Variants in CRHR2 observed in about 807,000 individuals in gnomAD.
CRHR2 encodes the protein corticotropin releasing hormone receptor 2.
In CRHR2, 53 loss-of-function variants were observed where a neutral mutation model predicts 57.9. That is an observed-to-expected ratio of 0.92 (90% CI 0.73 to 1.15). The LOEUF is 1.15. CRHR2 is among the 50% of genes most tolerant of loss of function. CRHR2 has a pLI of 0.00. For synonymous variants in CRHR2, 213 were observed against 220.9 expected, an observed-to-expected ratio of 0.96 and a Z score of 0.32; for missense variants, 532 against 542.6, an observed-to-expected ratio of 0.98 and a Z score of 0.19.
chr7:30,690,574 C>T (rs541225330), intron 1 of CRHR2, among the ~76,000 whole-genome samples: 2 of 152,290 alleles, frequency 1.3e-5, no homozygotes, highest in South Asian at 4.1e-4. Context: ...TTCCTGGCAG[C>T]TGGGTCAATG....
At chr7:30,697,162 A>G (rs552105544) in intron 1 of CRHR2, among the ~76,000 whole-genome samples, 1 of 152,296 alleles carries the variant, frequency 6.6e-6, no homozygotes, top group African/African-American at 2.4e-5. Context: ...CGGACAGGTC[A>G]GGGAGGGTCC....
upstream of CRHR2, among the ~76,000 whole-genome samples, chr7:30,686,015 CCATCTTTGGT>C (rs1186453988): frequency 6.6e-6 from 1 of 152,146 alleles, no homozygotes; most frequent in African/African-American, 2.4e-5. Context: ...TTCCTGGGAA[CCATCTTTGGT>C]ATTGCAAAGA....
intron 1 of CRHR2, among the ~76,000 whole-genome samples, chr7:30,693,176 G>A (rs1433524321): frequency 1.3e-5 from 2 of 152,150 alleles, no homozygotes; most frequent in Non-Finnish European, 1.5e-5. Flanking sequence ...CCCAGTTCCT[G>A]ACACAGAATC....
At chr7:30,698,614 G>A (rs996498309) in intron 1 of CRHR2, among the ~76,000 whole-genome samples, 1 of 152,120 alleles carries the variant, frequency 6.6e-6, no homozygotes, top group African/African-American at 2.4e-5. Context: ...GCAGGTCTGG[G>A]GGCCATCTGC....
At chr7:30,668,931 T>G (rs1395697224) in intron 2 of CRHR2, among the ~76,000 whole-genome samples, 1 of 152,190 alleles carries the variant, frequency 6.6e-6, no homozygotes, top group Admixed American at 6.5e-5. Context: ...GGATCTAATT[T>G]GATACCTAGC....
rs772634618 is a variant in CRHR2 at position 30,653,531 on chromosome 7, G to A, written c.1165C>T (p.Arg389Trp). ...DHHSLRVPMA[R>W]AMSIPTSPTR... ...GGTGATGTAGGGATGGACATGGCCC[G>A]GGCCATGGGGACTCGAAGGGAGTGA... Residue 389 changes from arginine (R) to tryptophan (W), a missense_variant, in exon 12 of 12, where the codon CGG (arginine) becomes TGG (tryptophan). Coordinates refer to ENST00000471646, the MANE Select transcript of CRHR2 (RefSeq NM_001883.5). The surrounding 1 kb of genome is among the most constrained non-coding windows in gnomAD (Gnocchi z 5.0). 15 of 1,613,366 alleles carry A rather than the reference G, an allele frequency of 9.3e-6. No individual in the cohort carries two copies. The highest frequency in any genetic ancestry group is 5.5e-5 in the South Asian group (5 of 91,078).
At chr7:30,663,716 T>G (rs951110524) in intron 5 of CRHR2, among the ~76,000 whole-genome samples, 1 of 152,182 alleles carries the variant, frequency 6.6e-6, no homozygotes, top group Non-Finnish European at 1.5e-5. Flanking sequence ...GGTCTAGACA[T>G]TGGGCTTCCA....
chr7:30,681,914 C>T lies in CRHR2; in HGVS notation c.229+1G>A, dbSNP rs200349018. Reference sequence around the variant, plus strand: ...AGGCAGCGAGGGCCGGGGGCACTCACGGGTCGTGTTGTACTTGACGCCGTT... The same window carrying T: ...AGGCAGCGAGGGCCGGGGGCACTCATGGGTCGTGTTGTACTTGACGCCGTT... On this transcript the variant is annotated splice_donor_variant, in intron 2 of 11. Transcript: ENST00000471646. LOFTEE classifies it high-confidence loss of function. 7 of 1,607,792 alleles carry T rather than the reference C, an allele frequency of 4.4e-6. No individual in the cohort carries two copies. Among genetic ancestry groups the T allele is most frequent in the Admixed American group, 1.7e-5 (1 of 59,278 alleles).
At chr7:30,667,345 T>A in intron 2 of CRHR2, 32 bp from the exon 3 acceptor site, 1 of 1,598,506 alleles carries the variant, frequency 6.3e-7, no homozygotes, top group Non-Finnish European at 8.6e-7. Flanking sequence ...AAGAGTCAGG[T>A]CACTCCCCTC....
chr7:30,674,854 C>T (rs1011495227), intron 2 of CRHR2, among the ~76,000 whole-genome samples: 2 of 152,180 alleles, frequency 1.3e-5, no homozygotes, highest in Non-Finnish European at 2.9e-5. Context: ...GATGGCCCCT[C>T]CTTCCAGGCC....
At position 30,665,187 on chromosome 7, in the gene CRHR2, C is replaced by T; in HGVS notation, c.426G>A (p.Arg142=). 4 of 1,613,640 alleles carry T rather than the reference C, an allele frequency of 2.5e-6. No individual in the cohort carries two copies. The highest frequency in any genetic ancestry group is 1.7e-5 in the Admixed American group (1 of 60,012). ...TCACATTCCGCAGACAGCGAATGCT[C>T]CTGTGGGAGGTGCAGGTCAGGGGTC... is the stretch of plus-strand genomic sequence containing the variant. The part of the protein sequence containing the change: ...VAAFLLFLAL[R]SIRCLRNVIH... Residue 142 remains arginine, a splice_region_variant and synonymous_variant, in exon 5 of 12, where the codon CGG becomes CGA. Transcript: ENST00000471646. This position sits in a 1 kb window ranked among gnomAD's most constrained non-coding sequence, Gnocchi z 4.5.
intron 2 of CRHR2, among the ~76,000 whole-genome samples, chr7:30,672,489 T>A (rs909655139): frequency 6.6e-6 from 1 of 152,198 alleles, no homozygotes; most frequent in Non-Finnish European, 1.5e-5. Context: ...TTTCCTAGGT[T>A]ACTTGGGAAC....
At chr7:30,654,293 G>A (rs1046180473) in intron 11 of CRHR2, among the ~76,000 whole-genome samples, 16 of 152,258 alleles carry the variant, frequency 1.1e-4, no homozygotes, top group African/African-American at 3.6e-4. Context: ...TTGCCTTACT[G>A]GCCCCCTCTC....
chr7:30,697,236 C>T (rs1330619548), intron 1 of CRHR2, among the ~76,000 whole-genome samples: 3 of 152,102 alleles, frequency 2.0e-5, no homozygotes, highest in African/African-American at 7.2e-5. Context: ...GGCAGATGGG[C>T]CCACCAGAAG....
At chr7:30,673,690 A>G (rs1418095310) in intron 2 of CRHR2, among the ~76,000 whole-genome samples, 2 of 152,170 alleles carry the variant, frequency 1.3e-5, no homozygotes, top group Non-Finnish European at 2.9e-5. Flanking sequence ...GGTTTTCCTG[A>G]GCTTCCCAAA....
chr7:30,655,929 G>A lies in CRHR2; in HGVS notation c.915C>T (p.Tyr305=), dbSNP rs386352294. ...RASTTSETIQ[Y]RKAVKATLVL... is the part of the protein sequence containing the mutation. ...GGTCAAGGGACCCCCTCACATACCT[G>A]TACTGGATTGTCTCGGATGTGGTGG... The change falls in exon 9 of 12, where the codon TAC becomes TAT. Residue 305 remains tyrosine (Y), a splice_region_variant and synonymous_variant. Transcript: ENST00000471646. 26 of 1,613,592 alleles carry A rather than the reference G, an allele frequency of 1.6e-5. No individual in the cohort carries two copies. Among genetic ancestry groups the A allele is most frequent in the Non-Finnish European group, 2.1e-5 (25 of 1,179,670 alleles).
chr7:30,675,152 G>A (rs570079904), intron 2 of CRHR2, among the ~76,000 whole-genome samples: 2 of 152,260 alleles, frequency 1.3e-5, no homozygotes, highest in South Asian at 4.2e-4. Context: ...TGTGTGAAAG[G>A]GACCGCCTGC....
At chr7:30,681,603 G>A (rs1243391262) in intron 2 of CRHR2, among the ~76,000 whole-genome samples, 1 of 152,210 alleles carries the variant, frequency 6.6e-6, no homozygotes, top group Admixed American at 6.5e-5. Context: ...TTCAGGCAAC[G>A]GGAACCTACA....
In CRHR2 at chr7:30,667,246, C is replaced by T. The variant is rs1162491535; in HGVS notation, c.297G>A (p.Glu99=). Residue 99 remains glutamate, a synonymous_variant, in exon 3 of 12, where the codon GAG becomes GAA. Transcript: ENST00000471646. ...WASKINYSQC[E]PILDDKQRKY... is the part of the protein sequence containing the mutation. ...CACTCACCTTGTCATCCAAAATGGG[C>T]TCACACTGTGAGTAGTTGATCTTTG... 2 of 1,614,148 alleles carry T rather than the reference C, an allele frequency of 1.2e-6. No individual in the cohort carries two copies. The highest frequency in any genetic ancestry group is 2.2e-5 in the East Asian group (1 of 44,868).
Sources: gnomAD v4.1 joint callset for allele counts (sites outside exome capture counted in the v4.1 genomes callset) on GRCh38, gnomAD v4.1.1 for gene constraint, Gnocchi (gnomAD v3.1) non-coding constraint, MANE v1.5 for transcripts, NCBI Gene and HGNC (gene_info 2026-07-23, HGNC 2026-07-21) for gene names.